The following RBFOX1 variants were observed in gnomAD, a reference collection of about 807,000 sequenced individuals.
The protein encoded by RBFOX1 is RNA binding protein fox-1 homolog 1.
Under a neutral mutation model 57.7 loss-of-function variants are expected in RBFOX1, and 8 were observed. The ratio of observed to expected loss-of-function variants is 0.14; its 90% confidence interval spans 0.08 to 0.25. The LOEUF (loss-of-function observed/expected upper bound fraction) is 0.25. Among genes scored for constraint, RBFOX1 ranks in the 10% least tolerant of loss-of-function variants. RBFOX1 has a pLI of 1.00. For synonymous variants in RBFOX1, 326 were observed against 222.4 expected (o/e 1.47, Z -4.15); for missense variants, 611 against 548.5 (o/e 1.11, Z -1.14).
chr16:6,206,733 A>G (rs1457791520), intron 1 of RBFOX1, among the ~76,000 whole-genome samples: 2 of 152,230 alleles, frequency 1.3e-5, no homozygotes, highest in Non-Finnish European at 2.9e-5. Flanking sequence ...AACCTCTTAC[A>G]TCAGACTAGC....
chr16:6,698,814 C>G (rs1344811220), intron 3 of RBFOX1, among the ~76,000 whole-genome samples: 1 of 152,132 alleles, frequency 6.6e-6, no homozygotes, highest in Non-Finnish European at 1.5e-5. Flanking sequence ...ATGTGAATCC[C>G]TTATAGTGAT....
In RBFOX1 at chr16:7,443,519, T is replaced by C. The variant is rs990084446; in HGVS notation, c.28-74628T>C. Among the ~76,000 whole-genome samples the C allele has an allele frequency of 1.5e-4, 23 of 152,014 alleles. 1 individual carries two copies. In the South Asian group the frequency reaches 4.6e-3, roughly 30 times the overall value. The stretch of plus-strand genomic sequence containing the variant: ...TAAGAACCTTGAATCCTGCCAGATA[T>C]GAACCCAACAACCTTGTTGGTGTAA... On this transcript the variant is annotated intron_variant, in intron 4 of 15. Transcript: ENST00000550418.
In RBFOX1 at chr16:6,311,295, CAA is replaced by C. The variant is rs71145210; in HGVS notation, c.-126-5680_-126-5679del. Among the ~76,000 whole-genome samples, 38 of 91,232 alleles carry C rather than the reference CAA, an allele frequency of 4.2e-4. No individual in the cohort carries two copies. In the Middle Eastern group the frequency reaches 0.019, roughly 45 times the overall value. 59.9% of individuals were successfully genotyped at this position (91,232 alleles called of 152,430 possible). Reference sequence around the variant, plus strand: ...TGGGTGACAGTACGAGACTCTGTCTCAAAAAAAAAAAAAAAAAAAAAGAATAA... The same window carrying C: ...TGGGTGACAGTACGAGACTCTGTCTCAAAAAAAAAAAAAAAAAAAGAATAA... On this transcript the variant is annotated intron_variant, in intron 1 of 15. Coordinates refer to ENST00000550418, the MANE Select transcript of RBFOX1 (RefSeq NM_018723.4).
chr16:7,315,457 C>A (rs1473535291), intron 4 of RBFOX1, among the ~76,000 whole-genome samples: 1 of 61,260 alleles, frequency 1.6e-5, no homozygotes, highest in East Asian at 3.1e-4. Flanking sequence ...CTCTACCCTA[C>A]CCCCCCCCCC....
At chr16:5,729,395 T>TC (rs1429807869) in intron 3 of RBFOX1, among the ~76,000 whole-genome samples, 1 of 123,024 alleles carries the variant, frequency 8.1e-6, no homozygotes, top group Non-Finnish European at 1.6e-5. Flanking sequence ...TTTTTTCTTT[T>TC]CTTTTTTTTT....
intron 12 of RBFOX1, among the ~76,000 whole-genome samples, chr16:7,662,595 AG>A (rs928753943): frequency 1.3e-5 from 2 of 152,208 alleles, no homozygotes; most frequent in African/African-American, 4.8e-5. Flanking sequence ...GTAGCTTTTA[AG>A]GTGCAACGAG....
At chr16:7,082,520 T>G (rs552935317) in intron 4 of RBFOX1, among the ~76,000 whole-genome samples, 1 of 150,712 alleles carries the variant, frequency 6.6e-6, no homozygotes, top group East Asian at 2.0e-4. Context: ...AGGTGGAGGT[T>G]GATCAAACCT....
intron 3 of RBFOX1, among the ~76,000 whole-genome samples, chr16:7,038,395 A>G (rs1351235482): frequency 2.0e-5 from 3 of 152,182 alleles, no homozygotes; most frequent in Admixed American, 6.5e-5. Context: ...CATCTTTGTA[A>G]TAACTGCAAT....
Position 6,767,949 on chromosome 16 carries a change from A to ATAATAAT in RBFOX1, c.-16+113299_-16+113300insTAATAAT, listed in dbSNP as rs1491137745. ...AATAATAATAATAATAATAATAATA[A>ATAATAAT]GAAGAAGAAGAAGAAGAAGAAGAAG... is the stretch of plus-strand genomic sequence containing the variant. On this transcript the variant is annotated intron_variant, in intron 3 of 15. Coordinates refer to ENST00000550418, the MANE Select transcript of RBFOX1 (RefSeq NM_018723.4). Among the ~76,000 whole-genome samples the ATAATAAT allele has an allele frequency of 8.0e-3, 597 of 74,452 alleles. 3 individuals carry two copies. The highest frequency in any genetic ancestry group is 0.013 in the African/African-American group (196 of 15,246). 48.8% of individuals were successfully genotyped at this position (74,452 alleles called of 152,430 possible). A position where few individuals can be genotyped will look rare whatever the true frequency, so the allele number is the denominator to read the frequency against.
At chr16:5,925,384 T>G (rs1180305554) in intron 4 of RBFOX1, among the ~76,000 whole-genome samples, 1 of 152,268 alleles carries the variant, frequency 6.6e-6, no homozygotes, top group Admixed American at 6.5e-5. Context: ...AATACCATAC[T>G]TAGTAGAAAA....
chr16:5,809,889 G>A (rs951254610), intron 3 of RBFOX1, among the ~76,000 whole-genome samples: 18 of 151,982 alleles, frequency 1.2e-4, no homozygotes, highest in Non-Finnish European at 2.5e-4. Context: ...TGTTTTTTGC[G>A]GCACTATCCA....
At chr16:6,360,560 A>C (rs1281448676) in intron 2 of RBFOX1, among the ~76,000 whole-genome samples, 1 of 152,226 alleles carries the variant, frequency 6.6e-6, no homozygotes, top group Non-Finnish European at 1.5e-5. Flanking sequence ...AGAAATGGCA[A>C]TGCCACTCAG....
chr16:6,713,068 A>G (rs1400832744), intron 3 of RBFOX1, among the ~76,000 whole-genome samples: 1 of 151,868 alleles, frequency 6.6e-6, no homozygotes, highest in African/African-American at 2.4e-5. Flanking sequence ...CAGCCATGTG[A>G]AACCATGAGT....
At chr16:6,417,187 T>C (rs896928335) in intron 2 of RBFOX1, among the ~76,000 whole-genome samples, 1 of 151,770 alleles carries the variant, frequency 6.6e-6, no homozygotes, top group Non-Finnish European at 1.5e-5. Flanking sequence ...AACTTTTGTA[T>C]TTTTAGTAGA....
At chr16:6,683,247 A>C (rs1227881989) in intron 3 of RBFOX1, among the ~76,000 whole-genome samples, 1 of 152,234 alleles carries the variant, frequency 6.6e-6, no homozygotes, top group Non-Finnish European at 1.5e-5. Context: ...CAAAAAGGAC[A>C]TAGTTCCAGT....
chr16:5,738,427 A>T (rs947021132), intron 3 of RBFOX1, among the ~76,000 whole-genome samples: 3 of 151,662 alleles, frequency 2.0e-5, no homozygotes, highest in African/African-American at 7.3e-5. Context: ...AGGTCAGGAG[A>T]TGAAGACCAG....
intron 4 of RBFOX1, among the ~76,000 whole-genome samples, chr16:7,436,786 G>T (rs778884726): frequency 7.2e-5 from 11 of 152,136 alleles, no homozygotes; most frequent in Non-Finnish European, 1.3e-4. Flanking sequence ...TCTCAGCCTG[G>T]TGCAGTGGCT....
At chr16:6,561,241 C>T (rs571842986) in intron 2 of RBFOX1, among the ~76,000 whole-genome samples, 4 of 152,220 alleles carry the variant, frequency 2.6e-5, no homozygotes, top group Admixed American at 6.5e-5. Flanking sequence ...AAAAGATTCA[C>T]GGGGGCAGGG....
intron 4 of RBFOX1, among the ~76,000 whole-genome samples, chr16:7,490,836 C>G (rs1178408452): frequency 6.6e-6 from 1 of 152,178 alleles, no homozygotes; most frequent in Admixed American, 6.5e-5. Flanking sequence ...TACCCAGAAA[C>G]AGCACCTGCT....
Sources: gnomAD v4.1 joint callset for allele counts (sites outside exome capture counted in the v4.1 genomes callset) on GRCh38, gnomAD v4.1.1 for gene constraint, MANE v1.5 for transcripts, NCBI Gene and HGNC (gene_info 2026-07-23, HGNC 2026-07-21) for gene names.